PSD3: variants seen among roughly 807,000 people sequenced by gnomAD.
The protein encoded by PSD3 is pleckstrin and Sec7 domain containing 3, also known as PH and SEC7 domain-containing protein 3.
Under a neutral mutation model 105.5 loss-of-function variants are expected in PSD3, and 49 were observed. The ratio of observed to expected loss-of-function variants is 0.46; its 90% CI spans 0.37 to 0.59. PSD3 has a LOEUF of 0.59. Among genes scored for constraint, PSD3 ranks in the 20% least tolerant of loss-of-function variants. The probability of loss-of-function intolerance (pLI) is 0.00; values close to 1 mark genes in which losing one functional copy is unlikely to be tolerated. For missense variants in PSD3, 1,561 were observed against 1,263.8 expected, an observed-to-expected ratio of 1.24 and a Z score of -3.57; for synonymous variants, 557 against 457.8, an observed-to-expected ratio of 1.22 and a Z score of -2.77.
chr8:18,956,702 A>T (rs1263545628), intron 1 of PSD3, among the ~76,000 whole-genome samples: 1 of 152,170 alleles, frequency 6.6e-6, no homozygotes, highest in Non-Finnish European at 1.5e-5. Flanking sequence ...ATAGCACACA[A>T]CCTTGAGGCT....
intron 1 of PSD3, among the ~76,000 whole-genome samples, chr8:19,034,648 G>T (rs1227142760): frequency 4.6e-5 from 7 of 152,186 alleles, no homozygotes; most frequent in African/African-American, 7.2e-5. Flanking sequence ...CCTGCAACAG[G>T]CTTGTGGCTT....
intron 4 of PSD3, among the ~76,000 whole-genome samples, chr8:18,838,735 G>A (rs1443951245): frequency 6.6e-6 from 1 of 151,240 alleles, no homozygotes; most frequent in African/African-American, 2.4e-5. Flanking sequence ...CCGGGAGGCA[G>A]AGCTTGCAGT....
chr8:18,559,896 C>T (rs1385696113), intron 14 of PSD3, among the ~76,000 whole-genome samples: 1 of 152,138 alleles, frequency 6.6e-6, no homozygotes, highest in Non-Finnish European at 1.5e-5. Context: ...TCTGTTTCTA[C>T]AGCAGCATAA....
intron 1 of PSD3, among the ~76,000 whole-genome samples, chr8:18,941,120 C>T (rs571214397): frequency 3.3e-5 from 5 of 152,296 alleles, no homozygotes; most frequent in African/African-American, 1.2e-4. Context: ...ATTCAGACTA[C>T]TATTTCCTTT....
chr8:18,815,378 G>C (rs186567559), intron 4 of PSD3, among the ~76,000 whole-genome samples: 2 of 151,902 alleles, frequency 1.3e-5, no homozygotes, highest in African/African-American at 4.8e-5. Flanking sequence ...GCATGATTTC[G>C]GCTCACTGCA....
At chr8:18,826,978 G>C (rs1813244002) in intron 4 of PSD3, among the ~76,000 whole-genome samples, 1 of 152,170 alleles carries the variant, frequency 6.6e-6, no homozygotes, top group Non-Finnish European at 1.5e-5. Context: ...TCATACCAAA[G>C]TGATATGAAT....
rs1003487893 is a variant in PSD3, at chr8:19,007,961, G to A, written c.21+5602C>T. On this transcript the variant is annotated intron_variant, in intron 1 of 15. Transcript: ENST00000327040. ...GGGTTCAAGTGATTCTCCTGCCTCA[G>A]CTTCCCAAGTAGCTGGGATTACAGG... Among the ~76,000 whole-genome samples the A allele has an allele frequency of 2.6e-5, 4 of 152,148 alleles. No individual in the cohort carries two copies. In the East Asian group the frequency reaches 7.7e-4, roughly 29 times the overall value.
rs569848166 is a variant in PSD3, at chr8:19,053,360, G to C, written c.324+30846C>G. The stretch of plus-strand genomic sequence containing the variant: ...CACCCACTCCTCTCTTCTTGAAAGA[G>C]AAAAAGAATAAAATGAAATCTCACA... On this transcript the variant is annotated intron_variant, in intron 1 of 1. Transcript: ENST00000521475. Among the ~76,000 whole-genome samples the C allele has an allele frequency of 6.6e-5, 10 of 152,246 alleles. No homozygotes were observed. The South Asian group carries it at 1.9e-3, about 28-fold the overall frequency.
chr8:19,009,696 C>G (rs1826866262), intron 1 of PSD3, among the ~76,000 whole-genome samples: 1 of 152,146 alleles, frequency 6.6e-6, no homozygotes, highest in Admixed American at 6.5e-5. Flanking sequence ...TTGAGACCAG[C>G]CTGGGCAACA....
At chr8:18,652,263 G>T (rs550162644) in intron 10 of PSD3, among the ~76,000 whole-genome samples, 33 of 152,020 alleles carry the variant, frequency 2.2e-4, no homozygotes, top group Non-Finnish European at 3.8e-4. Flanking sequence ...ATATATATAG[G>T]AAGAATTTTT....
chr8:18,884,862 T>A (rs1818355232), intron 2 of PSD3, among the ~76,000 whole-genome samples: 1 of 152,186 alleles, frequency 6.6e-6, no homozygotes. Flanking sequence ...CAGAGGCAGC[T>A]CTGTGAGCTA....
At chr8:18,913,479 A>C (rs1820380779) in intron 2 of PSD3, among the ~76,000 whole-genome samples, 1 of 152,098 alleles carries the variant, frequency 6.6e-6, no homozygotes. Flanking sequence ...ACAGACCCAG[A>C]AACCAGTCTG....
intron 1 of PSD3, among the ~76,000 whole-genome samples, chr8:18,956,235 G>A (rs1823564306): frequency 6.6e-6 from 1 of 152,190 alleles, no homozygotes. Context: ...TGTATCACAT[G>A]AAGGAAGGCT....
chr8:18,596,746 GA>G (rs34411550), intron 12 of PSD3, among the ~76,000 whole-genome samples: 15,551 of 152,028 alleles, frequency 0.1, 981 homozygotes, highest in South Asian at 0.15. Context: ...TAAATTACTA[GA>G]AACCTACAAT....
intron 1 of PSD3, among the ~76,000 whole-genome samples, chr8:19,083,698 C>G (rs1829715315): frequency 1.3e-5 from 2 of 152,338 alleles, no homozygotes; most frequent in East Asian, 3.9e-4. Flanking sequence ...GTTCCCAATG[C>G]CCATTCTGGA....
intron 12 of PSD3, among the ~76,000 whole-genome samples, chr8:18,595,514 C>T (rs1804029149): frequency 6.7e-6 from 1 of 150,244 alleles, no homozygotes; most frequent in Admixed American, 6.6e-5. Context: ...AAAAAAAACC[C>T]AAGTATAAGC....
chr8:19,053,801 G>A (rs1000234822), intron 1 of PSD3, among the ~76,000 whole-genome samples: 1 of 151,904 alleles, frequency 6.6e-6, no homozygotes, highest in African/African-American at 2.4e-5. Flanking sequence ...ATTTTTTTCT[G>A]TTTTGTTCAC....
At chr8:18,585,255 C>A (rs1042153056) in intron 12 of PSD3, among the ~76,000 whole-genome samples, 2 of 152,174 alleles carry the variant, frequency 1.3e-5, no homozygotes, top group South Asian at 4.1e-4. Flanking sequence ...TCATTTCATA[C>A]ACAGACTGCT....
intron 1 of PSD3, among the ~76,000 whole-genome samples, chr8:19,002,212 A>G (rs111267031): frequency 7.9e-5 from 12 of 152,134 alleles, no homozygotes; most frequent in African/African-American, 2.9e-4. Context: ...TTATATCTCT[A>G]TCTTCAAGCA....
Sources: gnomAD v4.1 joint callset for allele counts (sites outside exome capture counted in the v4.1 genomes callset) on GRCh38, gnomAD v4.1.1 for gene constraint, MANE v1.5 for transcripts, NCBI Gene and HGNC (gene_info 2026-07-23, HGNC 2026-07-21) for gene names.